EXOC6B: variants seen among roughly 807,000 people sequenced by gnomAD.
The protein encoded by EXOC6B is SEC15 homolog B.
In EXOC6B, 54 loss-of-function variants were observed where a neutral mutation model predicts 113.5. The ratio of observed to expected loss-of-function variants is 0.48; its 90% CI spans 0.38 to 0.60. The LOEUF is 0.60. Ranked by LOEUF, EXOC6B falls within the 20% of genes least tolerant of loss-of-function variation. The pLI is 0.00. For synonymous variants in EXOC6B, 357 were observed against 339.0 expected (o/e 1.05, Z -0.58); for missense variants, 797 against 977.5 (o/e 0.82, Z 2.46).
chr2:72,555,968 G>C (rs140860267), intron 8 of EXOC6B, among the ~76,000 whole-genome samples: 1 of 152,086 alleles, frequency 6.6e-6, no homozygotes, highest in Non-Finnish European at 1.5e-5. Context: ...CTTTATAGCA[G>C]TGTGACAACA....
intron 18 of EXOC6B, among the ~76,000 whole-genome samples, chr2:72,437,614 G>A (rs1428619913): frequency 7.2e-5 from 11 of 152,218 alleles, no homozygotes; most frequent in Admixed American, 7.2e-4. Context: ...GAGGAATCAA[G>A]AGAGGTAGTC....
At chr2:72,413,932 T>C (rs1011777034) in intron 18 of EXOC6B, among the ~76,000 whole-genome samples, 4 of 152,198 alleles carry the variant, frequency 2.6e-5, no homozygotes, top group African/African-American at 9.7e-5. Flanking sequence ...CCTACAATCT[T>C]GTTGACTAAA....
intron 18 of EXOC6B, among the ~76,000 whole-genome samples, chr2:72,452,841 C>T (rs1473227310): frequency 3.3e-5 from 5 of 152,136 alleles, no homozygotes; most frequent in African/African-American, 1.2e-4. Context: ...TAGAAATAAA[C>T]TGACATAAAA....
At chr2:72,258,836 C>T (rs1311360966) in intron 20 of EXOC6B, among the ~76,000 whole-genome samples, 1 of 152,124 alleles carries the variant, frequency 6.6e-6, no homozygotes, top group Non-Finnish European at 1.5e-5. Context: ...CCCCTGCTAA[C>T]ATTAATTTCA....
intron 7 of EXOC6B, among the ~76,000 whole-genome samples, chr2:72,563,023 C>T (rs995178210): frequency 6.6e-6 from 1 of 152,080 alleles, no homozygotes; most frequent in Non-Finnish European, 1.5e-5. Context: ...TTTGCCAGTT[C>T]AAACCTTTTT....
intron 6 of EXOC6B, among the ~76,000 whole-genome samples, chr2:72,645,228 A>G (rs112719202): frequency 6.6e-6 from 1 of 152,230 alleles, no homozygotes; most frequent in African/African-American, 2.4e-5. Flanking sequence ...TCAATTCAAC[A>G]AGAAGAACTA....
chr2:72,826,032 A>AC lies in EXOC6B; in HGVS notation c.-123dup. On this transcript the variant is annotated 5_prime_UTR_variant, in exon 1 of 22. Transcript: ENST00000272427. ...CCAGCCTCTGGCTACCCGCAGGCCGACCCCTCCCTCAGGCTCGACACGCCC... is the reference window on the plus strand; with the variant it reads ...CCAGCCTCTGGCTACCCGCAGGCCGACCCCCTCCCTCAGGCTCGACACGCCC... 2 of 1,452,284 alleles carry AC rather than the reference A, an allele frequency of 1.4e-6. No homozygotes were observed. Among genetic ancestry groups the AC allele is most frequent in the Non-Finnish European group, 1.8e-6 (2 of 1,096,954 alleles). The allele number at this position is 1,452,284 out of a possible 1,614,324, so 90.0% of individuals were successfully genotyped here.
intron 20 of EXOC6B, among the ~76,000 whole-genome samples, chr2:72,287,001 G>A (rs1685473951): frequency 6.6e-6 from 1 of 151,958 alleles, no homozygotes; most frequent in South Asian, 2.1e-4. Context: ...AAAATGTATT[G>A]CTTTAAATGC....
At position 72,396,790 on chromosome 2, in the gene EXOC6B, A is replaced by C. The variant is rs576885141; in HGVS notation, c.1981-16920T>G. Reference sequence around the variant, plus strand: ...CATGTAGAAGTAAAAGGTAAAAAAAACCCTGCCAAATTGTGTTATTGAAGA... The same window carrying C: ...CATGTAGAAGTAAAAGGTAAAAAAACCCCTGCCAAATTGTGTTATTGAAGA... On this transcript the variant is annotated intron_variant, in intron 18 of 21. Transcript: ENST00000272427. 3.9e-5 allele frequency among the ~76,000 whole-genome samples: 6 copies of C among 152,216 alleles called. No homozygotes were observed. The South Asian group carries it at 6.2e-4, about 16-fold the overall frequency.
chr2:72,825,020 G>C lies in EXOC6B; in HGVS notation c.113+778C>G, dbSNP rs1251796958. On this transcript the variant is annotated intron_variant, in intron 1 of 21. Transcript: ENST00000272427. This position sits in a 1 kb window ranked among gnomAD's most constrained non-coding sequence, Gnocchi z 4.4. ...TACGGTTGTTTTGTAGCTTAAATAA[G>C]TTGCATTTGTAAATCACTTTATACA... Among the ~76,000 whole-genome samples, 3 of 152,174 alleles carry C rather than the reference G, an allele frequency of 2.0e-5. No individual in the cohort carries two copies. Among genetic ancestry groups the C allele is most frequent in the Non-Finnish European group, 4.4e-5 (3 of 68,028 alleles).
chr2:72,470,633 A>G lies in EXOC6B; in HGVS notation c.1801-5294T>C, dbSNP rs1338336921. On this transcript the variant is annotated intron_variant, in intron 17 of 21. Coordinates refer to ENST00000272427, the MANE Select transcript of EXOC6B (RefSeq NM_015189.3). ...CCCTCCCCCCTCCCCCTACCCCACAACAGGCCCCGGTGTGTGATGTTCCCC... is the reference window on the plus strand; with the variant it reads ...CCCTCCCCCCTCCCCCTACCCCACAGCAGGCCCCGGTGTGTGATGTTCCCC... 3.7e-5 allele frequency among the ~76,000 whole-genome samples: 5 copies of G among 134,230 alleles called. No individual in the cohort carries two copies. In the South Asian group the frequency reaches 1.1e-3, roughly 31 times the overall value. The allele number at this position is 134,230 out of a possible 152,430, so 88.1% of individuals were successfully genotyped here.
chr2:72,605,073 G>C (rs539054157), intron 6 of EXOC6B, among the ~76,000 whole-genome samples: 1 of 151,780 alleles, frequency 6.6e-6, no homozygotes, highest in Non-Finnish European at 1.5e-5. Context: ...TTATGAGGTC[G>C]GGAGTTCAAG....
chr2:72,795,692 T>A (rs1684905299), intron 1 of EXOC6B, among the ~76,000 whole-genome samples: 1 of 152,324 alleles, frequency 6.6e-6, no homozygotes, highest in Admixed American at 6.5e-5. Context: ...CACTGGAACC[T>A]ATGAATATAT....
chr2:72,260,303 A>T (rs1325446135), intron 20 of EXOC6B, among the ~76,000 whole-genome samples: 1 of 152,196 alleles, frequency 6.6e-6, no homozygotes, highest in South Asian at 2.1e-4. Flanking sequence ...GCGATATCAC[A>T]GGGTGAGGTG....
chr2:72,228,853 A>T (rs1269306113), intron 20 of EXOC6B, among the ~76,000 whole-genome samples: 3 of 152,172 alleles, frequency 2.0e-5, no homozygotes, highest in African/African-American at 7.2e-5. Flanking sequence ...TGACTTCCAC[A>T]ATGGTTGAAC....
intron 1 of EXOC6B, among the ~76,000 whole-genome samples, chr2:72,783,981 T>G (rs1432053728): frequency 6.6e-6 from 1 of 152,242 alleles, no homozygotes; most frequent in Non-Finnish European, 1.5e-5. Flanking sequence ...TTTCAGGTCT[T>G]ATGTTTAATG....
intron 11 of EXOC6B, among the ~76,000 whole-genome samples, chr2:72,511,974 G>A (rs550305898): frequency 4.6e-5 from 7 of 152,084 alleles, no homozygotes; most frequent in East Asian, 1.9e-4. Flanking sequence ...ATTATCTTCC[G>A]TCATTGACTC....
Position 72,419,906 on chromosome 2 carries a change from C to T in EXOC6B, c.1981-40036G>A, listed in dbSNP as rs117609963. Among the ~76,000 whole-genome samples the T allele has an allele frequency of 1.2e-4, 19 of 152,210 alleles. No homozygotes were observed. In the East Asian group the frequency reaches 3.1e-3, roughly 25 times the overall value. On this transcript the variant is annotated intron_variant, in intron 18 of 21. Coordinates refer to ENST00000272427, the MANE Select transcript of EXOC6B (RefSeq NM_015189.3). ...TTCTACTTTCCCCTTTCTCTCTTTT[C>T]CTTCTGGGGTACAACAATGTGCATA...
chr2:72,470,197 C>A (rs1326478492), intron 17 of EXOC6B, among the ~76,000 whole-genome samples: 1 of 152,008 alleles, frequency 6.6e-6, no homozygotes, highest in African/African-American at 2.4e-5. Context: ...GATATTAATT[C>A]TTCTGATATA....
Sources: gnomAD v4.1 joint callset for allele counts (sites outside exome capture counted in the v4.1 genomes callset) on GRCh38, gnomAD v4.1.1 for gene constraint, Gnocchi (gnomAD v3.1) non-coding constraint, MANE v1.5 for transcripts, NCBI Gene and HGNC (gene_info 2026-07-23, HGNC 2026-07-21) for gene names.